SLC4A3: variants seen among roughly 807,000 people sequenced by gnomAD.
SLC4A3 encodes solute carrier family 4 member 3.
In SLC4A3, 47 loss-of-function variants were observed where a neutral mutation model predicts 114.2. The ratio of observed to expected loss-of-function variants is 0.41; its 90% CI spans 0.33 to 0.52. The LOEUF is 0.52. Among genes scored for constraint, SLC4A3 ranks in the 20% least tolerant of loss-of-function variants. The probability of loss-of-function intolerance (pLI) is 0.21; values close to 1 mark genes in which losing one functional copy is unlikely to be tolerated. For missense variants in SLC4A3, 1,312 were observed against 1,668.3 expected (o/e 0.79, Z 3.72); for synonymous variants, 693 against 710.3 (o/e 0.98, Z 0.39).
rs1055974931 is a variant in SLC4A3, at chr2:219,628,049, C to T, written c.51+6C>T. 6 of 1,557,440 alleles carry T rather than the reference C, an allele frequency of 3.9e-6. No homozygotes were observed. The highest frequency in any genetic ancestry group is 5.2e-6 in the Non-Finnish European group (6 of 1,154,766). On this transcript the variant is annotated splice_donor_region_variant and intron_variant, in intron 2 of 22. Coordinates refer to ENST00000358055, the MANE Select transcript of SLC4A3 (RefSeq NM_005070.4). The surrounding 1 kb of genome is among the most constrained non-coding windows in gnomAD (Gnocchi z 4.8). ...GCGCCTCCCCCCTACCCCAGGTGATCGGCGCGCGCGGGGGCGGGGGAGAGA... is the reference window on the plus strand; with the variant it reads ...GCGCCTCCCCCCTACCCCAGGTGATTGGCGCGCGCGGGGGCGGGGGAGAGA...
rs1334530093 is a variant in SLC4A3 at position 219,630,665 on chromosome 2, G to A, written c.811+313G>A. Reference sequence around the variant, plus strand: ...TCCCCAAGGCCCCTCTTCTCGGGGTGAACTCTCTGTCTCCTCTTTGATCCC... The same window carrying A: ...TCCCCAAGGCCCCTCTTCTCGGGGTAAACTCTCTGTCTCCTCTTTGATCCC... On this transcript the variant is annotated intron_variant, in intron 6 of 22. Coordinates refer to ENST00000358055, the MANE Select transcript of SLC4A3 (RefSeq NM_005070.4). The surrounding 1 kb of genome is among the most constrained non-coding windows in gnomAD (Gnocchi z 6.9). Among the ~76,000 whole-genome samples, 2 of 152,148 alleles carry A rather than the reference G, an allele frequency of 1.3e-5. No homozygotes were observed. Among genetic ancestry groups the A allele is most frequent in the African/African-American group, 4.8e-5 (2 of 41,418 alleles).
chr2:219,633,245 C>T (rs1698999966), intron 9 of SLC4A3, 29 bp from the exon 10 acceptor site: 2 of 1,535,316 alleles, frequency 1.3e-6, no homozygotes, highest in African/African-American at 2.7e-5. Context: ...AGCCTCTCCT[C>T]CTCACCTGCC....
intron 7 of SLC4A3, 23 bp downstream of exon 7, chr2:219,632,139 C>T (rs1382758346): frequency 1.9e-6 from 3 of 1,610,044 alleles, no homozygotes; most frequent in Admixed American, 1.7e-5. Context: ...ACTGGGTGGG[C>T]CTGTGGCTTC....
In SLC4A3 at chr2:219,636,203, C is replaced by T; in HGVS notation, c.2192-99C>T. ...CCCTGTGTGTCACTCTAAGGGGCTG[C>T]TCTGCTTTTGTTGGGGGCCCCAGTT... On this transcript the variant is annotated intron_variant, in intron 14 of 22. Transcript: ENST00000358055. The surrounding 1 kb of genome is among the most constrained non-coding windows in gnomAD (Gnocchi z 5.5). The T allele has an allele frequency of 7.1e-7, 1 of 1,402,904 alleles. No homozygotes were observed. Among genetic ancestry groups the T allele is most frequent in the Non-Finnish European group, 9.9e-7 (1 of 1,007,332 alleles). 86.9% of individuals were successfully genotyped at this position (1,402,904 alleles called of 1,614,324 possible). A position where few individuals can be genotyped will look rare whatever the true frequency, so the allele number is the denominator to read the frequency against.
chr2:219,634,244 T>A (rs1486579954), intron 11 of SLC4A3, among the ~76,000 whole-genome samples, 176 bp from the exon 12 acceptor site: 1 of 152,264 alleles, frequency 6.6e-6, no homozygotes, highest in Non-Finnish European at 1.5e-5. Flanking sequence ...TTTCCATCTG[T>A]TGGCGAATTG....
chr2:219,632,812 T>C (rs761865073), intron 8 of SLC4A3, 62 bp from the exon 9 acceptor site: 1 of 1,596,908 alleles, frequency 6.3e-7, no homozygotes, highest in Admixed American at 1.7e-5. Context: ...CAAGGCAGAG[T>C]GGGAGGAGAT....
chr2:219,632,156 C>G, intron 7 of SLC4A3, 40 bp downstream of exon 7: 1 of 1,606,994 alleles, frequency 6.2e-7, no homozygotes, highest in Non-Finnish European at 8.5e-7. Context: ...CTTCCTCATG[C>G]CCCTCGGCCC....
At chr2:219,634,289 C>A in intron 11 of SLC4A3, 131 bp from the exon 12 acceptor site, 1 of 880,636 alleles carries the variant, frequency 1.1e-6, no homozygotes, top group Non-Finnish European at 1.8e-6. Context: ...GAATAGTGCC[C>A]TTTTAGACTG....
At chr2:219,640,763 CT>C (rs1174186875) in intron 21 of SLC4A3, 25 bp from the exon 22 acceptor site, 18 of 1,605,868 alleles carry the variant, frequency 1.1e-5, no homozygotes, top group Non-Finnish European at 1.4e-5. Flanking sequence ...ACGCTGTGCA[CT>C]GGGGCCCACT....
At position 219,640,180 on chromosome 2, in the gene SLC4A3, C is replaced by G. The variant is rs577858580; in HGVS notation, c.3278-250C>G. Reference sequence around the variant, plus strand: ...TCCTGACCTCGTGATCCACCCACCTCGGCCTCCCAAAGTGCTGGGATTACA... The same window carrying G: ...TCCTGACCTCGTGATCCACCCACCTGGGCCTCCCAAAGTGCTGGGATTACA... On this transcript the variant is annotated intron_variant, in intron 20 of 22. Coordinates refer to ENST00000358055, the MANE Select transcript of SLC4A3 (RefSeq NM_005070.4). Among the ~76,000 whole-genome samples the G allele has an allele frequency of 2.6e-5, 4 of 151,794 alleles. No individual in the cohort carries two copies. In the South Asian group the frequency reaches 8.3e-4, roughly 32 times the overall value.
Position 219,628,604 on chromosome 2 carries a change from C to CTCGCCACCATCACCTTCA in SLC4A3, c.217+49_217+66dup, listed in dbSNP as rs771778795. The stretch of plus-strand genomic sequence containing the variant: ...CCTGGGGACCCCTAGTGCGGCCGCC[C>CTCGCCACCATCACCTTCA]TCGCCACCATCACCTTCATCGCCAC... On this transcript the variant is annotated intron_variant, in intron 3 of 22. Coordinates refer to ENST00000358055, the MANE Select transcript of SLC4A3 (RefSeq NM_005070.4). This position sits in a 1 kb window ranked among gnomAD's most constrained non-coding sequence, Gnocchi z 4.8. 4.0e-4 allele frequency: 642 copies of CTCGCCACCATCACCTTCA among 1,603,904 alleles called. 1 individual carries two copies. The highest frequency in any genetic ancestry group is 4.9e-4 in the Non-Finnish European group (573 of 1,175,772).
Position 219,641,462 on chromosome 2 carries a change from G to A in SLC4A3, c.3622-189G>A, listed in dbSNP as rs1371503581. Among the ~76,000 whole-genome samples, 2 of 152,278 alleles carry A rather than the reference G, an allele frequency of 1.3e-5. No individual in the cohort carries two copies. Among genetic ancestry groups the A allele is most frequent in the East Asian group, 1.9e-4 (1 of 5,186 alleles). On this transcript the variant is annotated intron_variant, in intron 22 of 22. Coordinates refer to ENST00000358055, the MANE Select transcript of SLC4A3 (RefSeq NM_005070.4). The surrounding 1 kb of genome is among the most constrained non-coding windows in gnomAD (Gnocchi z 4.0). ...TATTATTATCACCAGGAGGGGCCAG[G>A]TATCTGGTCTGGGAGGTGACCTGAA...
rs1356226081 is a variant in SLC4A3 at position 219,631,133 on chromosome 2, C to T, written c.811+781C>T. 2.6e-6 allele frequency: 3 copies of T among 1,165,568 alleles called. No homozygotes were observed. Among genetic ancestry groups the T allele is most frequent in the African/African-American group, 1.6e-5 (1 of 61,862 alleles). 72.2% of individuals were successfully genotyped at this position (1,165,568 alleles called of 1,614,324 possible). On this transcript the variant is annotated intron_variant, in intron 6 of 22. Transcript: ENST00000358055. The surrounding 1 kb of genome is among the most constrained non-coding windows in gnomAD (Gnocchi z 6.3). ...GAGTTGGGGTCGGGAGGCTGTGCCACCTTCAGCTCTGGTTGGACAGAAGCC... is the reference window on the plus strand; with the variant it reads ...GAGTTGGGGTCGGGAGGCTGTGCCATCTTCAGCTCTGGTTGGACAGAAGCC...
rs577613066 is a variant in SLC4A3 at position 219,635,564 on chromosome 2, C to G, written c.1972+68C>G. On this transcript the variant is annotated intron_variant, in intron 13 of 22. Coordinates refer to ENST00000358055, the MANE Select transcript of SLC4A3 (RefSeq NM_005070.4). ...CATCCCAGGGCCCTAAGGCTGTGAC[C>G]CCAGCCCCGTCCTGACTCCTGGAGT... is the stretch of plus-strand genomic sequence containing the variant. 2.0e-6 allele frequency: 3 copies of G among 1,496,406 alleles called. No individual in the cohort carries two copies. The East Asian group carries it at 7.4e-5, about 37-fold the overall frequency. 92.7% of individuals were successfully genotyped at this position (1,496,406 alleles called of 1,614,324 possible). A position where few individuals can be genotyped will look rare whatever the true frequency, so the allele number is the denominator to read the frequency against.
Position 219,639,728 on chromosome 2 carries a change from C to T in SLC4A3, c.3270C>T (p.Ser1090=). 2 of 1,606,100 alleles carry T rather than the reference C, an allele frequency of 1.2e-6. No homozygotes were observed. Among genetic ancestry groups the T allele is most frequent in the South Asian group, 1.1e-5 (1 of 91,022 alleles). ...GGGTCACTGGTGTGCTCATCGCCAG[C>T]CTCGTGGGTGAGAGCCCGCCTCCAC... ...EQRVTGVLIA[S]LVGLSIVMGA... The change falls in exon 20 of 23, where the codon AGC becomes AGT. Residue 1090 remains serine, a synonymous_variant. Coordinates refer to ENST00000358055, the MANE Select transcript of SLC4A3 (RefSeq NM_005070.4). This position sits in a 1 kb window ranked among gnomAD's most constrained non-coding sequence, Gnocchi z 5.9.
chr2:219,634,873 C>T (rs1057249421), intron 12 of SLC4A3, among the ~76,000 whole-genome samples: 22 of 152,130 alleles, frequency 1.4e-4, no homozygotes, highest in African/African-American at 4.8e-4. Context: ...GGGCTGGATG[C>T]GCTGGTCTTT....
In SLC4A3 at chr2:219,638,982, G is replaced by C; in HGVS notation, c.3023+113G>C. 8.8e-7 allele frequency: 1 copy of C among 1,142,460 alleles called. No homozygotes were observed. Among genetic ancestry groups the C allele is most frequent in the Non-Finnish European group, 1.3e-6 (1 of 787,932 alleles). 70.8% of individuals were successfully genotyped at this position (1,142,460 alleles called of 1,614,324 possible). A position where few individuals can be genotyped will look rare whatever the true frequency, so the allele number is the denominator to read the frequency against. ...ATTATCAGTATCAGGGTGCTGGGTG[G>C]TGGGAGCTGGTGGCAATCCTTGAGG... On this transcript the variant is annotated intron_variant, in intron 19 of 22. Transcript: ENST00000358055. This position sits in a 1 kb window ranked among gnomAD's most constrained non-coding sequence, Gnocchi z 7.5.
chr2:219,632,977 C>G lies in SLC4A3; in HGVS notation c.1245C>G (p.Ala415=). The part of the protein sequence containing the change: ...VSDQIRPEDR[A]SVLRTLLLKH... ...ACCAGATCCGGCCGGAGGACAGGGC[C>G]AGCGTCCTACGTACCCTGCTACTGA... Residue 415 remains alanine, a synonymous_variant, in exon 9 of 23, where the codon GCC becomes GCG. Coordinates refer to ENST00000358055, the MANE Select transcript of SLC4A3 (RefSeq NM_005070.4). The G allele has an allele frequency of 6.2e-7, 1 of 1,614,070 alleles. No homozygotes were observed.
chr2:219,629,244 C>T lies in SLC4A3; in HGVS notation c.318C>T (p.Thr106=). 2 of 1,613,784 alleles carry T rather than the reference C, an allele frequency of 1.2e-6. No individual in the cohort carries two copies. Among genetic ancestry groups the T allele is most frequent in the South Asian group, 2.2e-5 (2 of 91,078 alleles). ...RRLPPTSARH[T]RRKRKKEKTS... ...TGCCCCCCACCTCTGCCCGGCACAC[C>T]AGGAGAAAGAGGAAGAAGGAGAAAA... The change falls in exon 4 of 23, where the codon ACC becomes ACT. Residue 106 remains threonine, a synonymous_variant. Transcript: ENST00000358055.
Sources: allele counts gnomAD v4.1 joint callset (sites outside exome capture counted in the v4.1 genomes callset), GRCh38; gene constraint gnomAD v4.1.1; non-coding constraint Gnocchi (gnomAD v3.1); transcripts MANE v1.5; gene names NCBI Gene and HGNC (gene_info 2026-07-23, HGNC 2026-07-21).